SEMA7A: variants seen among roughly 807,000 people sequenced by gnomAD.
SEMA7A encodes semaphorin-7A.
A neutral mutation model predicts 67.5 loss-of-function variants in SEMA7A; 21 were observed. That is an observed-to-expected ratio of 0.31 (90% CI 0.22 to 0.45). The LOEUF (loss-of-function observed/expected upper bound fraction) is 0.45. Ranked by LOEUF, SEMA7A falls within the 20% of genes least tolerant of loss-of-function variation. The pLI is 1.00. For missense variants in SEMA7A, 774 were observed against 908.6 expected, an observed-to-expected ratio of 0.85 and a Z score of 1.90; for synonymous variants, 364 against 368.5, an observed-to-expected ratio of 0.99 and a Z score of 0.14.
chr15:74,421,153 T>C (rs1314612602), intron 1 of SEMA7A, among the ~76,000 whole-genome samples: 10 of 152,164 alleles, frequency 6.6e-5, no homozygotes, highest in Admixed American at 5.2e-4. Context: ...GAGTCGAGCC[T>C]GATGGCAGAG....
rs1754273801 is a variant in SEMA7A, at chr15:74,414,694, G to A, written c.1147C>T (p.Arg383Cys). Residue 383 changes from arginine to cysteine, a missense_variant, in exon 10 of 14, where the codon CGT (arginine) becomes TGT (cysteine). Physicochemically the swap from Arg to Cys is radical, Grantham distance 180 (BLOSUM62 -3). Coordinates refer to ENST00000261918, the MANE Select transcript of SEMA7A (RefSeq NM_003612.5). This position sits in a 1 kb window ranked among gnomAD's most constrained non-coding sequence, Gnocchi z 4.1. Reference protein sequence around the residue: ...IPTETFQVADRHPEVAQRVEP... With the variant: ...IPTETFQVADCHPEVAQRVEP... ...ACCCTCTGCGCCACCTCTGGGTGAC[G>A]GTCAGCCACCTGGAAGGTCTCTGTG... 1.9e-6 allele frequency: 3 copies of A among 1,614,116 alleles called. No homozygotes were observed. Among genetic ancestry groups the A allele is most frequent in the Non-Finnish European group, 2.5e-6 (3 of 1,180,028 alleles).
intron 1 of SEMA7A, among the ~76,000 whole-genome samples, chr15:74,426,284 A>T (rs1370674435): frequency 6.6e-6 from 1 of 151,906 alleles, no homozygotes; most frequent in Non-Finnish European, 1.5e-5. Flanking sequence ...CAAAACAACA[A>T]CAACAACAAA....
rs2060933019 is a variant in SEMA7A, at chr15:74,414,856, G to A, written c.1077C>T (p.Pro359=). The A allele has an allele frequency of 6.2e-7, 1 of 1,614,214 alleles. No homozygotes were observed. The highest frequency in any genetic ancestry group is 1.3e-5 in the African/African-American group (1 of 75,060). Residue 359 remains proline, a synonymous_variant, in exon 9 of 14, where the codon CCC becomes CCT. Transcript: ENST00000261918. This position sits in a 1 kb window ranked among gnomAD's most constrained non-coding sequence, Gnocchi z 4.1. ...CGCTCACCTTGCCAGGCCGCGGGTT[G>A]GGAAGGCTTGAGTGGTAGCCCTTGA... ...SSLKGYHSSL[P]NPRPGKCLPD... is the part of the protein sequence containing the mutation.
At chr15:74,418,408 C>T in intron 2 of SEMA7A, 99 bp from the exon 3 acceptor site, 1 of 1,183,894 alleles carries the variant, frequency 8.4e-7, no homozygotes, top group Middle Eastern at 1.9e-4. Context: ...AGGAAGCAAC[C>T]ATTATTCTCA....
At chr15:74,424,778 C>G (rs908310892) in intron 1 of SEMA7A, among the ~76,000 whole-genome samples, 1 of 152,210 alleles carries the variant, frequency 6.6e-6, no homozygotes, top group Non-Finnish European at 1.5e-5. Context: ...AGCCCACGCC[C>G]AGGGAAGGCC....
rs773032469 is a variant in SEMA7A at position 74,414,014 on chromosome 15, G to A, written c.1294+533C>T. ...TTCCCCCAGCAGGGCCTACTCCAGG[G>A]AAGAAGAGAAGCTGCCCCTGTCCTC... On this transcript the variant is annotated intron_variant, in intron 10 of 13. Coordinates refer to ENST00000261918, the MANE Select transcript of SEMA7A (RefSeq NM_003612.5). This position sits in a 1 kb window ranked among gnomAD's most constrained non-coding sequence, Gnocchi z 4.1. Among the ~76,000 whole-genome samples, 5 of 152,286 alleles carry A rather than the reference G, an allele frequency of 3.3e-5. No individual in the cohort carries two copies. In the South Asian group the frequency reaches 6.2e-4, roughly 19 times the overall value.
intron 1 of SEMA7A, among the ~76,000 whole-genome samples, chr15:74,427,666 C>T (rs2061054396): frequency 6.6e-6 from 1 of 152,176 alleles, no homozygotes; most frequent in African/African-American, 2.4e-5. Flanking sequence ...ACTCTGCCCC[C>T]ACCCTATGCT....
chr15:74,417,478 G>A (rs1359346693), intron 5 of SEMA7A, 33 bp from the exon 6 acceptor site: 6 of 1,596,374 alleles, frequency 3.8e-6, no homozygotes, highest in Admixed American at 3.3e-5. Flanking sequence ...ATGAGTAAGG[G>A]CAGGCAGCTC....
intron 1 of SEMA7A, among the ~76,000 whole-genome samples, chr15:74,432,997 C>A (rs55695493): frequency 2.6e-5 from 4 of 152,178 alleles, no homozygotes; most frequent in African/African-American, 9.7e-5. Context: ...CTAGATCCAC[C>A]GCCTGGGGGT....
chr15:74,411,037 G>T lies in SEMA7A; in HGVS notation c.1640-52C>A. On this transcript the variant is annotated intron_variant, in intron 13 of 13. Transcript: ENST00000261918. The surrounding 1 kb of genome is among the most constrained non-coding windows in gnomAD (Gnocchi z 4.4). ...TGAGGAGGGACAAAGAGCTCCCAGG[G>T]GAGGATGTGTCCTCCCCACGGACTG... 2.5e-6 allele frequency: 4 copies of T among 1,571,596 alleles called. No individual in the cohort carries two copies. Among genetic ancestry groups the T allele is most frequent in the Non-Finnish European group, 3.5e-6 (4 of 1,159,136 alleles).
At position 74,414,530 on chromosome 15, in the gene SEMA7A, C is replaced by T; in HGVS notation, c.1294+17G>A. 1 of 1,612,556 alleles carries T rather than the reference C, an allele frequency of 6.2e-7. No homozygotes were observed. The highest frequency in any genetic ancestry group is 8.5e-7 in the Non-Finnish European group (1 of 1,178,672). On this transcript the variant is annotated intron_variant, in intron 10 of 13. Transcript: ENST00000261918. The surrounding 1 kb of genome is among the most constrained non-coding windows in gnomAD (Gnocchi z 4.1). ...GTTTTTACAAAGCAAACTGAGGGTC[C>T]CGGGGTAGCCTCTCACCTGTAGTTA...
At position 74,410,954 on chromosome 15, in the gene SEMA7A, G is replaced by A. The variant is rs2060894487; in HGVS notation, c.1671C>T (p.Ala557=). 1.2e-6 allele frequency: 2 copies of A among 1,613,736 alleles called. No individual in the cohort carries two copies. Among genetic ancestry groups the A allele is most frequent in the Non-Finnish European group, 1.7e-6 (2 of 1,179,956 alleles). The change falls in exon 14 of 14, where the codon GCC becomes GCT. Residue 557 remains alanine, a synonymous_variant. Coordinates refer to ENST00000261918, the MANE Select transcript of SEMA7A (RefSeq NM_003612.5). The surrounding 1 kb of genome is among the most constrained non-coding windows in gnomAD (Gnocchi z 7.5). ...AGCTCAGGTAGTAGCGAGAGTTTGG[G>A]GCCAGGGAAACCTTCTGCAGTGGGG... The part of the protein sequence containing the change: ...DKAPLQKVSL[A]PNSRYYLSCP...
In SEMA7A at chr15:74,412,030, A is replaced by C; in HGVS notation, c.1295-18T>G. 1 of 1,607,628 alleles carries C rather than the reference A, an allele frequency of 6.2e-7. No individual in the cohort carries two copies. The highest frequency in any genetic ancestry group is 8.5e-7 in the Non-Finnish European group (1 of 1,176,250). ...GCCCCTGTCTGTGTATGGTGGACAG[A>C]GGGTCAGTGGGCGGGAGTCCCACTG... On this transcript the variant is annotated intron_variant, in intron 10 of 13. Transcript: ENST00000261918.
At chr15:74,413,694 C>T (rs2060921142) in intron 10 of SEMA7A, among the ~76,000 whole-genome samples, 1 of 152,154 alleles carries the variant, frequency 6.6e-6, no homozygotes, top group Non-Finnish European at 1.5e-5. Context: ...AATTCCTCTC[C>T]CCAAGGCTTC....
Position 74,416,687 on chromosome 15 carries a change from A to G in SEMA7A, c.689T>C (p.Val230Ala). 6.2e-7 allele frequency: 1 copy of G among 1,614,132 alleles called. No homozygotes were observed. Among genetic ancestry groups the G allele is most frequent in the South Asian group, 1.1e-5 (1 of 91,088 alleles). Residue 230 changes from valine to alanine, a missense_variant, in exon 7 of 14, where the codon GTG (valine) becomes GCG (alanine). By Grantham distance (64) the Val-to-Ala change is moderately conservative. This residue lies in a region of SEMA7A where 347 missense variants were observed against 353.2 expected (regional missense o/e 0.98). Coordinates refer to ENST00000261918, the MANE Select transcript of SEMA7A (RefSeq NM_003612.5). ...QNPQFIKATI[V>A]HQDQAYDDKI... ...GTCATCGTAAGCCTGGTCTTGGTGC[A>G]CGATGGTGGCTTTGATGAACTGTGG... is the stretch of plus-strand genomic sequence containing the variant.
At position 74,411,047 on chromosome 15, in the gene SEMA7A, TC is replaced by T; in HGVS notation, c.1640-63del. The T allele has an allele frequency of 6.4e-7, 1 of 1,555,060 alleles. No individual in the cohort carries two copies. Among genetic ancestry groups the T allele is most frequent in the Middle Eastern group, 1.9e-4 (1 of 5,228 alleles). On this transcript the variant is annotated intron_variant, in intron 13 of 13. Coordinates refer to ENST00000261918, the MANE Select transcript of SEMA7A (RefSeq NM_003612.5). This position sits in a 1 kb window ranked among gnomAD's most constrained non-coding sequence, Gnocchi z 4.4. ...CAAAGAGCTCCCAGGGGAGGATGTG[TC>T]CTCCCCACGGACTGGGATCCCAGGA...
chr15:74,418,450 G>T (rs775104779), intron 2 of SEMA7A, 141 bp from the exon 3 acceptor site: 2 of 834,086 alleles, frequency 2.4e-6, no homozygotes, highest in Non-Finnish European at 3.9e-6. Flanking sequence ...GCTCTGAGAG[G>T]GTGAGTGATC....
chr15:74,428,989 C>T (rs2061064997), intron 1 of SEMA7A, among the ~76,000 whole-genome samples: 1 of 152,200 alleles, frequency 6.6e-6, no homozygotes, highest in Admixed American at 6.5e-5. Context: ...TCCCTGAGGA[C>T]AGGACAGCTG....
intron 3 of SEMA7A, 27 bp downstream of exon 3, chr15:74,418,240 AC>A (rs1449478859): frequency 1.2e-6 from 2 of 1,609,164 alleles, no homozygotes; most frequent in African/African-American, 2.7e-5. Flanking sequence ...AGTGGCTCAG[AC>A]CCCTCCATAC....
Sources: allele counts gnomAD v4.1 joint callset (sites outside exome capture counted in the v4.1 genomes callset), GRCh38; gene constraint gnomAD v4.1.1; regional missense constraint gnomAD v4.1.1; non-coding constraint Gnocchi (gnomAD v3.1); transcripts MANE v1.5; gene names NCBI Gene and HGNC (gene_info 2026-07-23, HGNC 2026-07-21).